Variants in EYA2 observed in about 807,000 individuals in gnomAD.
The protein encoded by EYA2 is EYA transcriptional coactivator and phosphatase 2.
Under a neutral mutation model 69.2 loss-of-function variants are expected in EYA2, and 31 were observed. The observed-to-expected ratio is 0.45, with a 90% CI of 0.34 to 0.60. The LOEUF (loss-of-function observed/expected upper bound fraction) is 0.60, where lower values mean the gene tolerates loss of function less well. Ranked by LOEUF, EYA2 falls within the 20% of genes least tolerant of loss-of-function variation. EYA2 has a pLI of 0.02. For synonymous variants in EYA2, 257 were observed against 279.4 expected, an observed-to-expected ratio of 0.92 and a Z score of 0.80; for missense variants, 622 against 701.2, an observed-to-expected ratio of 0.89 and a Z score of 1.28.
chr20:47,062,412 C>CCCCTGTAT, intron 5 of EYA2, among the ~76,000 whole-genome samples: 1 of 152,326 alleles, frequency 6.6e-6, no homozygotes, highest in South Asian at 2.1e-4. Context: ...AGGGAGGTCA[C>CCCCTGTAT]CCCGGTATCG....
chr20:46,986,812 A>C (rs889113705), intron 1 of EYA2, among the ~76,000 whole-genome samples: 2 of 152,170 alleles, frequency 1.3e-5, no homozygotes, highest in African/African-American at 4.8e-5. Context: ...TGGAGAGGAC[A>C]CCAAGCCATT....
At chr20:47,054,671 TAC>T (rs758656194) in intron 5 of EYA2, among the ~76,000 whole-genome samples, 4 of 152,172 alleles carry the variant, frequency 2.6e-5, no homozygotes, top group African/African-American at 4.8e-5. Flanking sequence ...GGACATCCCA[TAC>T]AGAGTTCTTT....
chr20:46,929,167 A>G (rs1221955095), intron 1 of EYA2, among the ~76,000 whole-genome samples: 1 of 151,908 alleles, frequency 6.6e-6, no homozygotes, highest in South Asian at 2.1e-4. Flanking sequence ...AAAAAAAAAA[A>G]AAAAAGAAGA....
intron 9 of EYA2, among the ~76,000 whole-genome samples, chr20:47,102,048 G>C (rs538802948): frequency 5.3e-5 from 8 of 152,340 alleles, no homozygotes; most frequent in African/African-American, 1.9e-4. Context: ...GAAAAACCCA[G>C]GGATACCTGG....
chr20:47,081,840 G>A (rs2031732946), intron 7 of EYA2, among the ~76,000 whole-genome samples: 1 of 151,036 alleles, frequency 6.6e-6, no homozygotes, highest in African/African-American at 2.4e-5. Context: ...AATGTGCATT[G>A]CCTATTATTA....
chr20:47,156,258 C>T (rs1485039936), intron 10 of EYA2, among the ~76,000 whole-genome samples: 1 of 143,582 alleles, frequency 7.0e-6, no homozygotes, highest in Non-Finnish European at 1.5e-5. Flanking sequence ...TGCCTGAGCC[C>T]GGGAGACAGA....
intron 5 of EYA2, among the ~76,000 whole-genome samples, chr20:47,026,236 G>A (rs1029721079): frequency 3.3e-5 from 5 of 152,194 alleles, no homozygotes; most frequent in African/African-American, 1.2e-4. Context: ...TAGCCATCTG[G>A]AGAAAAGTAT....
chr20:47,135,201 T>G (rs555467023), intron 9 of EYA2, among the ~76,000 whole-genome samples: 1 of 151,850 alleles, frequency 6.6e-6, no homozygotes, highest in East Asian at 1.9e-4. Flanking sequence ...TTCTATTATA[T>G]TTCTTCCAGT....
Position 47,007,483 on chromosome 20 carries a change from A to G in EYA2, c.298+2399A>G, listed in dbSNP as rs550765507. ...TGGAGCACAATGGGAGATGAGGTGA[A>G]TGAGGTGGGCGGGGCCTCCGAGGCC... is the stretch of plus-strand genomic sequence containing the variant. On this transcript the variant is annotated intron_variant, in intron 4 of 15. Coordinates refer to ENST00000327619, the MANE Select transcript of EYA2 (RefSeq NM_005244.5). Among the ~76,000 whole-genome samples the G allele has an allele frequency of 1.6e-4, 24 of 152,270 alleles. No individual in the cohort carries two copies. The South Asian group carries it at 5.0e-3, about 32-fold the overall frequency.
At chr20:46,912,445 A>G (rs1984687916) in intron 1 of EYA2, among the ~76,000 whole-genome samples, 1 of 152,312 alleles carries the variant, frequency 6.6e-6, no homozygotes, top group East Asian at 1.9e-4. Context: ...CCATTCATCC[A>G]TTCAACACAT....
Position 47,168,270 on chromosome 20 carries a change from C to T in EYA2, c.979-869C>T, listed in dbSNP as rs955588769. 1.9e-4 allele frequency among the ~76,000 whole-genome samples: 29 copies of T among 152,074 alleles called. 1 individual carries two copies. The highest frequency in any genetic ancestry group is 7.4e-5 in the Non-Finnish European group (5 of 68,026). ...ACAGTGGCGCGATCTCGGCTCACTA[C>T]AACCTCCACTTGCTGGGTTCAAGCA... On this transcript the variant is annotated intron_variant, in intron 10 of 15. Transcript: ENST00000327619.
At chr20:46,981,208 T>C (rs1980814007) in intron 1 of EYA2, among the ~76,000 whole-genome samples, 1 of 152,214 alleles carries the variant, frequency 6.6e-6, no homozygotes, top group African/African-American at 2.4e-5. Context: ...AAAGAGATCA[T>C]GTAAATGTGA....
chr20:46,930,351 C>G (rs1279985077), intron 1 of EYA2, among the ~76,000 whole-genome samples: 1 of 152,188 alleles, frequency 6.6e-6, no homozygotes, highest in Non-Finnish European at 1.5e-5. Flanking sequence ...AATATTATTT[C>G]CTTTAATTAA....
intron 2 of EYA2, among the ~76,000 whole-genome samples, chr20:47,000,949 A>C (rs1982329056): frequency 6.6e-6 from 1 of 152,182 alleles, no homozygotes; most frequent in Non-Finnish European, 1.5e-5. Context: ...TTGGATGAGC[A>C]AAGCCAGCCT....
chr20:47,032,751 T>C (rs577975949), intron 5 of EYA2, among the ~76,000 whole-genome samples: 2 of 152,264 alleles, frequency 1.3e-5, no homozygotes, highest in African/African-American at 4.8e-5. Context: ...GAAATGGGGT[T>C]TATAGGAGTA....
At position 47,078,329 on chromosome 20, in the gene EYA2, G is replaced by GCACACACACACACA. The variant is rs11472681; in HGVS notation, c.661+3995_661+3996insACACACACACACAC. Among the ~76,000 whole-genome samples the GCACACACACACACA allele has an allele frequency of 1.8e-4, 21 of 116,162 alleles. No homozygotes were observed. The East Asian group carries it at 3.3e-3, about 18-fold the overall frequency. 76.2% of individuals were successfully genotyped at this position (116,162 alleles called of 152,430 possible). The stretch of plus-strand genomic sequence containing the variant: ...TGCACATGTGCACGTGCGCGCGCGC[G>GCACACACACACACA]CGCACACACACACACACACACACAC... On this transcript the variant is annotated intron_variant, in intron 7 of 15. Coordinates refer to ENST00000327619, the MANE Select transcript of EYA2 (RefSeq NM_005244.5).
intron 1 of EYA2, among the ~76,000 whole-genome samples, chr20:46,918,622 C>T (rs933061309): frequency 6.6e-5 from 10 of 152,148 alleles, no homozygotes; most frequent in East Asian, 1.9e-4. Context: ...CCACCACATC[C>T]GCAGTGACTT....
chr20:47,108,373 C>T (rs1018520374), intron 9 of EYA2, among the ~76,000 whole-genome samples: 1 of 152,148 alleles, frequency 6.6e-6, no homozygotes, highest in Non-Finnish European at 1.5e-5. Flanking sequence ...GCTGGCTCCC[C>T]TTTGCTTTCC....
At chr20:47,079,695 C>G (rs2031646294) in intron 7 of EYA2, among the ~76,000 whole-genome samples, 1 of 152,164 alleles carries the variant, frequency 6.6e-6, no homozygotes, top group Non-Finnish European at 1.5e-5. Context: ...TTAAATCAAT[C>G]ATGGTGCATC....
Sources: gnomAD v4.1 joint callset for allele counts (sites outside exome capture counted in the v4.1 genomes callset) on GRCh38, gnomAD v4.1.1 for gene constraint, MANE v1.5 for transcripts, NCBI Gene and HGNC (gene_info 2026-07-23, HGNC 2026-07-21) for gene names.